IMPG2: variants seen among roughly 807,000 people sequenced by gnomAD.
IMPG2 encodes the protein interphotoreceptor matrix proteoglycan 2, also known as IPM 200.
Under a neutral mutation model 129.2 loss-of-function variants are expected in IMPG2, and 91 were observed. That is an observed-to-expected ratio of 0.70 (90% CI 0.59 to 0.84). IMPG2 has a LOEUF of 0.84. Among genes scored for constraint, IMPG2 ranks in the 40% least tolerant of loss-of-function variants. The probability of loss-of-function intolerance (pLI) is 0.00; values close to 1 mark genes in which losing one functional copy is unlikely to be tolerated. For missense variants in IMPG2, 1,430 were observed against 1,461.7 expected, an observed-to-expected ratio of 0.98 and a Z score of 0.35; for synonymous variants, 510 against 517.7, an observed-to-expected ratio of 0.99 and a Z score of 0.20.
At position 101,320,388 on chromosome 3, in the gene IMPG2, A is replaced by G; in HGVS notation, c.-16T>C. On this transcript the variant is annotated 5_prime_UTR_variant, in exon 1 of 19. Transcript: ENST00000193391. ...ACATAATCATTTGGGCCAAAACCAA[A>G]GGAATGAGGAGAGGACAGAATCCTT... 2 of 1,504,780 alleles carry G rather than the reference A, an allele frequency of 1.3e-6. No homozygotes were observed. Among genetic ancestry groups the G allele is most frequent in the Non-Finnish European group, 1.8e-6 (2 of 1,081,938 alleles). The allele number at this position is 1,504,780 out of a possible 1,614,324, so 93.2% of individuals were successfully genotyped here.
At chr3:101,250,808 T>A (rs967698065) in intron 11 of IMPG2, among the ~76,000 whole-genome samples, 2 of 152,154 alleles carry the variant, frequency 1.3e-5, no homozygotes, top group Non-Finnish European at 2.9e-5. Context: ...TCTCCTAATA[T>A]TCAAATACCT....
chr3:101,277,200 T>C (rs994903386), intron 4 of IMPG2, among the ~76,000 whole-genome samples: 1 of 152,192 alleles, frequency 6.6e-6, no homozygotes, highest in Non-Finnish European at 1.5e-5. Flanking sequence ...GACAAGATGG[T>C]AAAGAACATT....
chr3:101,243,487 A>G (rs1341719259), intron 13 of IMPG2, 42 bp downstream of exon 13: 1 of 1,578,960 alleles, frequency 6.3e-7, no homozygotes, highest in Non-Finnish European at 8.7e-7. Flanking sequence ...TCGGTCATAC[A>G]TGATTATTCA....
Position 101,229,463 on chromosome 3 carries a change from T to C in IMPG2, c.3550A>G (p.Ser1184Gly). 1 of 1,613,372 alleles carries C rather than the reference T, an allele frequency of 6.2e-7. No individual in the cohort carries two copies. Among genetic ancestry groups the C allele is most frequent in the Non-Finnish European group, 8.5e-7 (1 of 1,180,020 alleles). ...CCAATCACGTCTCCGCTAGCAGAGC[T>C]GTAGAAGGGATGCTGAGGATAGGGT... Reference protein sequence around the residue: ...EGPYPQHPFYSSASGDVIGGL... With the variant: ...EGPYPQHPFYGSASGDVIGGL... The change falls in exon 17 of 19, where the codon AGC (serine) becomes GGC (glycine). Residue 1184 changes from serine to glycine, a missense_variant. By Grantham distance (56) the Ser-to-Gly change is moderately conservative (BLOSUM62 0). Coordinates refer to ENST00000193391, the MANE Select transcript of IMPG2 (RefSeq NM_016247.4).
chr3:101,294,691 T>C (rs1482258132), intron 3 of IMPG2, among the ~76,000 whole-genome samples: 1 of 152,230 alleles, frequency 6.6e-6, no homozygotes, highest in Non-Finnish European at 1.5e-5. Context: ...ATACTTGAAC[T>C]AATTTTCATT....
At chr3:101,281,815 T>C (rs932520050) in intron 4 of IMPG2, among the ~76,000 whole-genome samples, 2 of 152,212 alleles carry the variant, frequency 1.3e-5, no homozygotes, top group African/African-American at 2.4e-5. Context: ...CCACCGGCCA[T>C]TGCTGTCTTT....
At chr3:101,316,683 C>A (rs1180204947) in intron 2 of IMPG2, among the ~76,000 whole-genome samples, 1 of 152,068 alleles carries the variant, frequency 6.6e-6, no homozygotes, top group Non-Finnish European at 1.5e-5. Flanking sequence ...GAAAACTTGA[C>A]AATTTACTGG....
chr3:101,244,417 T>A lies in IMPG2; in HGVS notation c.1914A>T (p.Ser638=), dbSNP rs751759656. The A allele has an allele frequency of 1.2e-6, 2 of 1,614,200 alleles. No homozygotes were observed. Among genetic ancestry groups the A allele is most frequent in the Non-Finnish European group, 1.7e-6 (2 of 1,180,020 alleles). ...TGTCTTCAATCTCAGCTGGCAAAAG[T>A]GAATCATCATCTTCAAGCCACGGCT... ...LSKPWLEDDD[S]LLPAEIEDKK... Residue 638 remains serine, a synonymous_variant, in exon 13 of 19, where the codon TCA becomes TCT. Transcript: ENST00000193391.
At chr3:101,273,860 A>G (rs1468664636) in intron 6 of IMPG2, 118 bp from the exon 7 acceptor site, 1 of 998,364 alleles carries the variant, frequency 1.0e-6, no homozygotes, top group East Asian at 2.6e-5. Flanking sequence ...AGATAATCTT[A>G]TTATTTCGTA....
Position 101,320,355 on chromosome 3 carries a change from A to G in IMPG2, c.18T>C (p.Leu6=). The change falls in exon 1 of 19, where the codon CTT becomes CTC. Residue 6 remains leucine, a synonymous_variant. Coordinates refer to ENST00000193391, the MANE Select transcript of IMPG2 (RefSeq NM_016247.4). ...AAATACCCAGAGAAATCTTCCCAAA[A>G]AGAGGAAACATAATCATTTGGGCCA... MIMFP[L]FGKISLGILI... 1 of 1,607,026 alleles carries G rather than the reference A, an allele frequency of 6.2e-7. No homozygotes were observed. Among genetic ancestry groups the G allele is most frequent in the South Asian group, 1.1e-5 (1 of 90,882 alleles).
Position 101,269,555 on chromosome 3 carries a change from C to T in IMPG2, c.847G>A (p.Gly283Arg), listed in dbSNP as rs1706755950. 6.3e-7 allele frequency: 1 copy of T among 1,593,044 alleles called. No individual in the cohort carries two copies. Among genetic ancestry groups the T allele is most frequent in the Non-Finnish European group, 8.6e-7 (1 of 1,161,278 alleles). The part of the protein sequence containing the change: ...FISEVENAFT[G>R]LPGYKEIRVL... ...CGAATTTCCTTGTAGCCTGGTAACC[C>T]AGTAAATGCATTTTCAACCTGTTAA... is the stretch of plus-strand genomic sequence containing the variant. The change falls in exon 8 of 19, where the codon GGG (glycine) becomes AGG (arginine). Residue 283 changes from glycine (G) to arginine (R), a missense_variant. Physicochemically the swap from Gly to Arg is moderately radical, Grantham distance 125 (BLOSUM62 -2). Coordinates refer to ENST00000193391, the MANE Select transcript of IMPG2 (RefSeq NM_016247.4).
At chr3:101,232,744 A>G in intron 15 of IMPG2, 37 bp downstream of exon 15, 3 of 1,573,302 alleles carry the variant, frequency 1.9e-6, no homozygotes, top group Non-Finnish European at 1.7e-6. Flanking sequence ...GGAAATATCT[A>G]TAGCCTCTAA....
At chr3:101,313,529 GC>G (rs2058767655) in intron 2 of IMPG2, among the ~76,000 whole-genome samples, 1 of 152,034 alleles carries the variant, frequency 6.6e-6, no homozygotes, top group African/African-American at 2.4e-5. Flanking sequence ...GAAATAACCT[GC>G]CCTGGAAACT....
chr3:101,284,677 G>C (rs892370915), intron 4 of IMPG2, among the ~76,000 whole-genome samples: 1 of 152,134 alleles, frequency 6.6e-6, no homozygotes, highest in African/African-American at 2.4e-5. Flanking sequence ...TCTGTGCCTA[G>C]CAGTTTCTAA....
intron 11 of IMPG2, among the ~76,000 whole-genome samples, chr3:101,249,623 A>G (rs1166283857): frequency 6.6e-6 from 1 of 152,102 alleles, no homozygotes; most frequent in East Asian, 1.9e-4. Context: ...TAATAACCAA[A>G]TCTTCTGAAT....
At chr3:101,293,114 G>A (rs1279303380) in intron 3 of IMPG2, among the ~76,000 whole-genome samples, 1 of 152,100 alleles carries the variant, frequency 6.6e-6, no homozygotes, top group Non-Finnish European at 1.5e-5. Context: ...CACCTATTGA[G>A]TCATGAATGT....
intron 9 of IMPG2, among the ~76,000 whole-genome samples, chr3:101,262,212 C>G (rs1180635005): frequency 6.6e-6 from 1 of 151,872 alleles, no homozygotes; most frequent in African/African-American, 2.4e-5. Context: ...ACTGAAAAAG[C>G]CTGAAGCTAA....
intron 4 of IMPG2, among the ~76,000 whole-genome samples, chr3:101,290,430 G>T (rs1173970467): frequency 6.6e-6 from 1 of 152,114 alleles, no homozygotes; most frequent in East Asian, 1.9e-4. Context: ...GATCACTTAA[G>T]CCTGGGAGCA....
intron 11 of IMPG2, among the ~76,000 whole-genome samples, chr3:101,246,636 C>T (rs1277442979): frequency 1.3e-5 from 2 of 152,156 alleles, no homozygotes; most frequent in Non-Finnish European, 2.9e-5. Flanking sequence ...ATAGCCACTC[C>T]TGTGAAATGG....
Sources: gnomAD v4.1 joint callset for allele counts (sites outside exome capture counted in the v4.1 genomes callset) on GRCh38, gnomAD v4.1.1 for gene constraint, MANE v1.5 for transcripts, NCBI Gene and HGNC (gene_info 2026-07-23, HGNC 2026-07-21) for gene names.